Variants in RASEF observed in about 807,000 individuals in gnomAD.
RASEF encodes the protein RAS and EF-hand domain containing.
A neutral mutation model predicts 90.1 loss-of-function variants in RASEF; 68 were observed. The observed-to-expected ratio is 0.75, with a 90% CI of 0.62 to 0.92. The LOEUF (loss-of-function observed/expected upper bound fraction) is 0.92, where lower values mean the gene tolerates loss of function less well. RASEF is among the 40% of genes least tolerant of loss of function. RASEF has a pLI of 0.00. For synonymous variants in RASEF, 331 were observed against 345.2 expected, an observed-to-expected ratio of 0.96 and a Z score of 0.46; for missense variants, 949 against 937.2, an observed-to-expected ratio of 1.01 and a Z score of -0.16.
At chr9:83,157,088 CTG>C in the RASEF span, among the ~76,000 whole-genome samples, 1 of 152,190 alleles carries the variant, frequency 6.6e-6, no homozygotes, top group Admixed American at 6.5e-5. Flanking sequence ...AGGAAAACTA[CTG>C]GAAGCTACTT....
chr9:83,015,615 G>C (rs1829329580), intron 4 of RASEF, among the ~76,000 whole-genome samples, 190 bp downstream of exon 4: 1 of 152,246 alleles, frequency 6.6e-6, no homozygotes, highest in Non-Finnish European at 1.5e-5. Flanking sequence ...AGGAGGCGGA[G>C]GTTGCAGTGA....
At chr9:83,196,230 C>T in the RASEF span, among the ~76,000 whole-genome samples, 4 of 152,022 alleles carry the variant, frequency 2.6e-5, no homozygotes, top group African/African-American at 4.8e-5. Context: ...GTCAGGGCTG[C>T]GAAAACCTGG....
chr9:83,062,897 C>T lies in RASEF; in HGVS notation c.-30G>A, dbSNP rs775516219. 24 of 1,415,314 alleles carry T rather than the reference C, an allele frequency of 1.7e-5. 1 individual carries two copies. The highest frequency in any genetic ancestry group is 2.5e-4 in the Middle Eastern group (1 of 3,928). The allele number at this position is 1,415,314 out of a possible 1,614,324, so 87.7% of individuals were successfully genotyped here. ...CCTGGCGGGGGCGGCCGAGAGGGCTCCGGAGCGCCGCGGGGCGCAGGGCCC... is the reference window on the plus strand; with the variant it reads ...CCTGGCGGGGGCGGCCGAGAGGGCTTCGGAGCGCCGCGGGGCGCAGGGCCC... On this transcript the variant is annotated 5_prime_UTR_variant, in exon 1 of 17. Transcript: ENST00000376447.
At position 83,000,451 on chromosome 9, in the gene RASEF, G is replaced by C; in HGVS notation, c.1557C>G (p.Ile519Met). 2 of 1,614,106 alleles carry C rather than the reference G, an allele frequency of 1.2e-6. No individual in the cohort carries two copies. The highest frequency in any genetic ancestry group is 1.7e-6 in the Non-Finnish European group (2 of 1,180,010). ...GSIVSSSRKP[I>M]SALSPQTDLV... ...CACCTACCTGGGGCGAGAGTGCTGAGATGGGCTTTCTTGATGAACTAACAA... is the reference window on the plus strand; with the variant it reads ...CACCTACCTGGGGCGAGAGTGCTGACATGGGCTTTCTTGATGAACTAACAA... Residue 519 changes from isoleucine (I) to methionine (M), a missense_variant, in exon 11 of 17, where the codon ATC (isoleucine) becomes ATG (methionine). This residue lies in a region of RASEF where 288 missense variants were observed against 328.4 expected (regional missense o/e 0.88). Coordinates refer to ENST00000376447, the MANE Select transcript of RASEF (RefSeq NM_152573.4).
At chr9:83,123,237 C>CAAAAAAAAAAAAAAAAAAAAAAA in the RASEF span, among the ~76,000 whole-genome samples, 1 of 83,428 alleles carries the variant, frequency 1.2e-5, no homozygotes, top group African/African-American at 4.6e-5. Flanking sequence ...GAGACTCCAT[C>CAAAAAAAAAAAAAAAAAAAAAAA]AAAAAAAAAA....
the RASEF span, among the ~76,000 whole-genome samples, chr9:83,140,256 T>C: frequency 6.6e-6 from 1 of 152,194 alleles, no homozygotes; most frequent in Non-Finnish European, 1.5e-5. Flanking sequence ...TACTGTATGC[T>C]GTGAGGTCAA....
the RASEF span, among the ~76,000 whole-genome samples, chr9:83,149,546 G>A: frequency 6.6e-6 from 1 of 152,166 alleles, no homozygotes; most frequent in Non-Finnish European, 1.5e-5. Flanking sequence ...AGAGAGTGAG[G>A]GAGGAGTGAC....
At chr9:83,024,967 A>G (rs980427337) in intron 2 of RASEF, among the ~76,000 whole-genome samples, 31 of 152,190 alleles carry the variant, frequency 2.0e-4, no homozygotes, top group African/African-American at 7.5e-4. Context: ...GACAGCAAGG[A>G]GCATCCGTGT....
the RASEF span, among the ~76,000 whole-genome samples, chr9:83,197,135 T>C: frequency 6.6e-6 from 1 of 152,218 alleles, no homozygotes; most frequent in Admixed American, 6.5e-5. Flanking sequence ...CAGGAGTCAA[T>C]TCACCACTGT....
the RASEF span, among the ~76,000 whole-genome samples, chr9:83,104,485 C>T: frequency 2.0e-5 from 3 of 152,142 alleles, no homozygotes; most frequent in Non-Finnish European, 4.4e-5. Context: ...ATAAGAGCCC[C>T]TTCAATCAAA....
At chr9:83,053,766 C>A (rs1830059470) in intron 1 of RASEF, among the ~76,000 whole-genome samples, 1 of 145,206 alleles carries the variant, frequency 6.9e-6, no homozygotes, top group Admixed American at 6.8e-5. Context: ...TCAGCATTTG[C>A]TCGTCTATAA....
the RASEF span, among the ~76,000 whole-genome samples, chr9:83,086,982 A>T: frequency 6.6e-6 from 1 of 152,176 alleles, no homozygotes; most frequent in South Asian, 2.1e-4. Context: ...GGAGTTGGGG[A>T]TCATTGGGGC....
the RASEF span, among the ~76,000 whole-genome samples, chr9:83,151,512 A>G: frequency 4.6e-5 from 7 of 152,194 alleles, no homozygotes; most frequent in Non-Finnish European, 1.0e-4. Context: ...CTGGGGAAAC[A>G]GTGTTATATA....
At chr9:83,093,288 C>A in the RASEF span, among the ~76,000 whole-genome samples, 1 of 152,226 alleles carries the variant, frequency 6.6e-6, no homozygotes, top group East Asian at 1.9e-4. Context: ...AGTCCCTCGC[C>A]GTGTGCTCAC....
At chr9:83,098,779 G>A in the RASEF span, among the ~76,000 whole-genome samples, 1 of 152,102 alleles carries the variant, frequency 6.6e-6, no homozygotes, top group Non-Finnish European at 1.5e-5. Context: ...AAAACTATCA[G>A]ATCTTGTGAG....
the RASEF span, among the ~76,000 whole-genome samples, chr9:83,105,730 A>AT: frequency 6.6e-6 from 1 of 152,264 alleles, no homozygotes; most frequent in Non-Finnish European, 1.5e-5. Flanking sequence ...GTGTGCTTGC[A>AT]TTATTACAAA....
chr9:83,047,407 C>T (rs958070288), intron 1 of RASEF, among the ~76,000 whole-genome samples: 5 of 152,126 alleles, frequency 3.3e-5, no homozygotes, highest in African/African-American at 1.2e-4. Context: ...TGAAAGAAAA[C>T]AATACTACAA....
At chr9:83,121,719 A>T in the RASEF span, among the ~76,000 whole-genome samples, 1 of 152,274 alleles carries the variant, frequency 6.6e-6, no homozygotes, top group African/African-American at 2.4e-5. Flanking sequence ...GTGAACTGAG[A>T]CTAAGAGAGC....
At position 83,022,416 on chromosome 9, in the gene RASEF, T is replaced by G. The variant is rs751977096; in HGVS notation, c.589A>C (p.Lys197Gln). 8 of 1,613,664 alleles carry G rather than the reference T, an allele frequency of 5.0e-6. No individual in the cohort carries two copies. Among genetic ancestry groups the G allele is most frequent in the Non-Finnish European group, 6.8e-6 (8 of 1,179,596 alleles). ...LAIAVKRAQD[K>Q]AAMQLSELEE... The stretch of plus-strand genomic sequence containing the variant: ...AACTCACTCAACTGCATAGCTGCCT[T>G]GTCCTGGGCTCTGAAATTCAAAAGG... Residue 197 changes from lysine to glutamine, a missense_variant, in exon 3 of 17, where the codon AAG (lysine) becomes CAG (glutamine). Around this residue, in one of 3 missense-constraint regions of RASEF, gnomAD observed 656 missense variants for 592.2 expected, o/e 1.11. Transcript: ENST00000376447.
Sources: gnomAD v4.1 joint callset for allele counts (sites outside exome capture counted in the v4.1 genomes callset) on GRCh38, gnomAD v4.1.1 for gene constraint, gnomAD v4.1.1 regional missense constraint, MANE v1.5 for transcripts, NCBI Gene and HGNC (gene_info 2026-07-23, HGNC 2026-07-21) for gene names.